Variants in BCCIP observed in about 807,000 individuals in gnomAD.
BCCIP encodes the protein BRCA2 and CDKN1A-interacting protein.
BCCIP carries 23 observed loss-of-function variants against 32.8 expected under a neutral mutation model. The observed-to-expected ratio is 0.70, with a 90% CI of 0.51 to 0.99. The LOEUF is 0.99. Ranked by LOEUF, BCCIP falls within the 50% of genes least tolerant of loss-of-function variation. The pLI is 0.00. For missense variants in BCCIP, 378 were observed against 379.8 expected (o/e 1.00, Z 0.04); for synonymous variants, 144 against 137.6 (o/e 1.05, Z -0.33).
At chr10:125,833,738 G>C in intron 5 of BCCIP, 34 bp from the exon 6 acceptor site, 3 of 1,609,406 alleles carry the variant, frequency 1.9e-6, no homozygotes, top group Non-Finnish European at 2.5e-6. Context: ...ACTTGACCCA[G>C]CAGGTAAACA....
chr10:125,835,515 C>T (rs1302604178), intron 6 of BCCIP, among the ~76,000 whole-genome samples: 1 of 150,846 alleles, frequency 6.6e-6, no homozygotes, highest in Non-Finnish European at 1.5e-5. Context: ...GGAGGCAGAG[C>T]TTGCGGTGAG....
At position 125,833,668 on chromosome 10, in the gene BCCIP, G is replaced by T. The variant is rs1854577912; in HGVS notation, c.600-104G>T. 3 of 1,105,214 alleles carry T rather than the reference G, an allele frequency of 2.7e-6. No individual in the cohort carries two copies. The Admixed American group carries it at 6.3e-5, about 23-fold the overall frequency. The allele number at this position is 1,105,214 out of a possible 1,614,324, so 68.5% of individuals were successfully genotyped here. A position where few individuals can be genotyped will look rare whatever the true frequency, so the allele number is the denominator to read the frequency against. On this transcript the variant is annotated intron_variant, in intron 5 of 6. Transcript: ENST00000278100. ...GTTCAGATTGAATGCCTGCGTCACAGCAGAACCCACTGAAGATGCCTCACC... is the reference window on the plus strand; with the variant it reads ...GTTCAGATTGAATGCCTGCGTCACATCAGAACCCACTGAAGATGCCTCACC...
downstream of BCCIP, among the ~76,000 whole-genome samples, chr10:125,844,405 C>T (rs1437336526): frequency 6.6e-6 from 1 of 152,244 alleles, no homozygotes; most frequent in Non-Finnish European, 1.5e-5. Context: ...AGGGCACCTA[C>T]TATTCATTTT....
At chr10:125,852,702 G>GA in intron 7 of BCCIP, 2 of 1,448,554 alleles carry the variant, frequency 1.4e-6, no homozygotes, top group Non-Finnish European at 1.9e-6. Flanking sequence ...TAGGCTCACT[G>GA]ATCCTGAAGA....
intron 7 of BCCIP, among the ~76,000 whole-genome samples, chr10:125,850,379 C>CA (rs1376662219): frequency 1.6e-5 from 2 of 125,180 alleles, no homozygotes; most frequent in African/African-American, 6.2e-5. Flanking sequence ...TTTTTTGAGA[C>CA]AGAGTTTTGC....
At chr10:125,835,308 C>A (rs183753200) in intron 6 of BCCIP, among the ~76,000 whole-genome samples, 2 of 152,030 alleles carry the variant, frequency 1.3e-5, no homozygotes, top group South Asian at 2.1e-4. Flanking sequence ...AGGCCGGGTG[C>A]GGTGGCTCAT....
intron 6 of BCCIP, among the ~76,000 whole-genome samples, chr10:125,834,880 C>T (rs1358643039): frequency 6.6e-6 from 1 of 151,620 alleles, no homozygotes; most frequent in Non-Finnish European, 1.5e-5. Context: ...CGCCTGTAAT[C>T]CCAGCACTTT....
intron 7 of BCCIP, chr10:125,852,612 G>C: frequency 1.2e-6 from 2 of 1,612,768 alleles, no homozygotes; most frequent in East Asian, 4.5e-5. Flanking sequence ...TGCATGACGA[G>C]CGAGTTTGCT....
At chr10:125,832,351 T>C (rs1258674218) in intron 5 of BCCIP, among the ~76,000 whole-genome samples, 1 of 152,144 alleles carries the variant, frequency 6.6e-6, no homozygotes, top group Non-Finnish European at 1.5e-5. Flanking sequence ...ACAGGTTCTT[T>C]ATAGAATATT....
At chr10:125,830,484 C>G (rs933981929) in intron 3 of BCCIP, 78 bp from the exon 4 acceptor site, 2 of 856,084 alleles carry the variant, frequency 2.3e-6, no homozygotes, top group Non-Finnish European at 3.5e-6. Flanking sequence ...ATAAATGAGG[C>G]CTACATCCCA....
downstream of BCCIP, chr10:125,842,919 A>G (rs1486357125): frequency 5.0e-6 from 2 of 397,712 alleles, no homozygotes; most frequent in Non-Finnish European, 6.8e-6. Context: ...TTAAAGAAAT[A>G]TATTCTCTTT....
At chr10:125,852,148 C>G in intron 7 of BCCIP, 1 of 1,001,660 alleles carries the variant, frequency 1.0e-6, no homozygotes, top group Non-Finnish European at 1.4e-6. Context: ...ATGTTTACCT[C>G]TAGCAGGAAA....
intron 1 of BCCIP, among the ~76,000 whole-genome samples, chr10:125,824,378 T>C (rs1854301913): frequency 1.3e-5 from 2 of 152,222 alleles, no homozygotes; most frequent in Non-Finnish European, 2.9e-5. Flanking sequence ...GACTGAATGA[T>C]CCTTCAGCCT....
chr10:125,823,823 G>T (rs2134000187), intron 1 of BCCIP, 101 bp downstream of exon 1: 1 of 1,490,244 alleles, frequency 6.7e-7, no homozygotes, highest in Non-Finnish European at 9.0e-7. Context: ...TGACCCTGAG[G>T]GTCTGTGAGG....
chr10:125,852,984 G>T (rs1394770551), intron 7 of BCCIP: 2 of 660,958 alleles, frequency 3.0e-6, no homozygotes, highest in East Asian at 5.2e-5. Context: ...GTTCTCACCT[G>T]ATAGTGCCAT....
intron 1 of BCCIP, chr10:125,825,872 A>G (rs1341105246): frequency 6.6e-6 from 1 of 152,252 alleles, no homozygotes; most frequent in Non-Finnish European, 1.5e-5. Flanking sequence ...TGTCTTGCAG[A>G]TAGAGATCAG....
chr10:125,850,826 A>C (rs979073483), intron 7 of BCCIP, among the ~76,000 whole-genome samples: 9 of 152,232 alleles, frequency 5.9e-5, no homozygotes, highest in African/African-American at 2.2e-4. Context: ...TCTGAATACA[A>C]AGATGACCTC....
At chr10:125,848,159 G>C (rs964732237) in intron 7 of BCCIP, among the ~76,000 whole-genome samples, 3 of 150,706 alleles carry the variant, frequency 2.0e-5, no homozygotes, top group South Asian at 2.1e-4. Context: ...GAGTCCACAG[G>C]GGGAGAAACT....
chr10:125,838,470 A>G (rs945471958), downstream of BCCIP: 38 of 1,273,096 alleles, frequency 3.0e-5, no homozygotes, highest in Non-Finnish European at 3.9e-5. Flanking sequence ...AAAAAATACC[A>G]AAGTATTTTA....
Sources: gnomAD v4.1 joint callset for allele counts (sites outside exome capture counted in the v4.1 genomes callset) on GRCh38, gnomAD v4.1.1 for gene constraint, MANE v1.5 for transcripts, NCBI Gene and HGNC (gene_info 2026-07-23, HGNC 2026-07-21) for gene names.